Variants in CYB5R3 observed in about 807,000 individuals in gnomAD.
The protein encoded by CYB5R3 is cytochrome b5 reductase 3, also known as NADH-cytochrome b5 reductase 3.
Under a neutral mutation model 36.5 loss-of-function variants are expected in CYB5R3, and 28 were observed. That is an observed-to-expected ratio of 0.77 (90% confidence interval 0.57 to 1.05). The LOEUF is 1.05. CYB5R3 is among the 50% of genes least tolerant of loss of function. CYB5R3 has a pLI of 0.00. For missense variants in CYB5R3, 474 were observed against 408.9 expected (o/e 1.16, Z -1.37); for synonymous variants, 181 against 159.8 (o/e 1.13, Z -1.00).
intron 2 of CYB5R3, among the ~76,000 whole-genome samples, chr22:42,635,269 C>T (rs573996046): frequency 6.6e-6 from 1 of 151,364 alleles, no homozygotes; most frequent in Non-Finnish European, 1.5e-5. Flanking sequence ...CACGCCCGGC[C>T]AATTTTTTGT....
At chr22:42,638,447 G>A (rs1250345706) in intron 1 of CYB5R3, among the ~76,000 whole-genome samples, 1 of 140,752 alleles carries the variant, frequency 7.1e-6, no homozygotes, top group African/African-American at 2.6e-5. Context: ...TCACACGCCC[G>A]TGGTCCCAGC....
chr22:42,639,341 G>GGCA (rs1298837194), intron 1 of CYB5R3, among the ~76,000 whole-genome samples: 1 of 108,648 alleles, frequency 9.2e-6, no homozygotes, highest in Non-Finnish European at 2.2e-5. Context: ...AAAAAAGTGG[G>GGCA]GGGGGACCGG....
At position 42,630,513 on chromosome 22, in the gene CYB5R3, G is replaced by A. The variant is rs533591758; in HGVS notation, c.333+369C>T. On this transcript the variant is annotated intron_variant, in intron 4 of 8. Coordinates refer to ENST00000352397, the MANE Select transcript of CYB5R3 (RefSeq NM_000398.7). ...AGCAGGGGCGTCTGTACCGCCAGCC[G>A]GCCTTCCTGGAGCCTCTGCTGCAGG... is the stretch of plus-strand genomic sequence containing the variant. Among the ~76,000 whole-genome samples the A allele has an allele frequency of 1.6e-4, 25 of 152,322 alleles. 1 individual carries two copies. In the South Asian group the frequency reaches 4.3e-3, roughly 27 times the overall value.
chr22:42,630,392 C>T (rs1397666347), intron 4 of CYB5R3, among the ~76,000 whole-genome samples: 1 of 152,176 alleles, frequency 6.6e-6, no homozygotes, highest in African/African-American at 2.4e-5. Context: ...CCGCTGACCA[C>T]GGTGGAGTGG....
chr22:42,627,914 C>T (rs1319491172), intron 5 of CYB5R3, among the ~76,000 whole-genome samples: 1 of 152,086 alleles, frequency 6.6e-6, no homozygotes, highest in Non-Finnish European at 1.5e-5. Flanking sequence ...CTGAGAAAGC[C>T]AAATAGAGGC....
At position 42,618,520 on chromosome 22, in the gene CYB5R3, G is replaced by A. The variant is rs1199749599; in HGVS notation, c.*1253C>T. On this transcript the variant is annotated 3_prime_UTR_variant, in exon 9 of 9. Transcript: ENST00000352397. The stretch of plus-strand genomic sequence containing the variant: ...CCACTGCACTCCAGCCTGGGCGACA[G>A]AGCGAGACTCCGTCTCAAAAAAAAA... 2.3e-5 allele frequency: 3 copies of A among 129,610 alleles called. No homozygotes were observed. Among genetic ancestry groups the A allele is most frequent in the Non-Finnish European group, 3.1e-5 (2 of 63,796 alleles). The allele number at this position is 129,610 out of a possible 1,614,324, so 8.0% of individuals were successfully genotyped here.
chr22:42,638,013 C>T (rs1035309521), intron 1 of CYB5R3, among the ~76,000 whole-genome samples: 3 of 152,162 alleles, frequency 2.0e-5, no homozygotes, highest in African/African-American at 4.8e-5. Context: ...CTCTGAGAGG[C>T]GGAGGCAGGT....
chr22:42,622,398 C>G (rs922211058), intron 8 of CYB5R3, among the ~76,000 whole-genome samples: 1 of 152,166 alleles, frequency 6.6e-6, no homozygotes, highest in Non-Finnish European at 1.5e-5. Flanking sequence ...CTGCCTCCCC[C>G]ACTGGAAGGT....
chr22:42,636,257 G>A (rs1928886151), intron 2 of CYB5R3, among the ~76,000 whole-genome samples: 1 of 152,050 alleles, frequency 6.6e-6, no homozygotes, highest in African/African-American at 2.4e-5. Flanking sequence ...AAGAAAGTAA[G>A]AATCAAACAG....
chr22:42,637,182 T>G (rs566181694), intron 1 of CYB5R3, among the ~76,000 whole-genome samples: 84 of 152,184 alleles, frequency 5.5e-4, no homozygotes, highest in African/African-American at 1.9e-3. Flanking sequence ...AAGCTCAGAG[T>G]AAAATTAATC....
chr22:42,631,867 C>T (rs920933251), intron 2 of CYB5R3: 1 of 220,850 alleles, frequency 4.5e-6, no homozygotes, highest in Admixed American at 5.0e-5. Flanking sequence ...GCTGCACGTG[C>T]CCAGGCCTGC....
intron 1 of CYB5R3, among the ~76,000 whole-genome samples, chr22:42,645,887 C>T (rs1465343314): frequency 6.6e-6 from 1 of 152,180 alleles, no homozygotes; most frequent in Non-Finnish European, 1.5e-5. Flanking sequence ...TGGCAGGTCC[C>T]ATGTGCAACG....
At position 42,619,299 on chromosome 22, in the gene CYB5R3, G is replaced by A. The variant is rs774155627; in HGVS notation, c.*474C>T. 9 of 176,846 alleles carry A rather than the reference G, an allele frequency of 5.1e-5. No homozygotes were observed. Among genetic ancestry groups the A allele is most frequent in the East Asian group, 1.5e-4 (1 of 6,826 alleles). 11.0% of individuals were successfully genotyped at this position (176,846 alleles called of 1,614,324 possible). The stretch of plus-strand genomic sequence containing the variant: ...TTCTGGTGTCAATGTCTCATGCAGC[G>A]TCAGGTGGTGAGGCCTGGGCCTGGC... On this transcript the variant is annotated 3_prime_UTR_variant, in exon 9 of 9. Coordinates refer to ENST00000352397, the MANE Select transcript of CYB5R3 (RefSeq NM_000398.7).
chr22:42,620,689 G>C (rs1036407386), intron 8 of CYB5R3, among the ~76,000 whole-genome samples: 1 of 152,150 alleles, frequency 6.6e-6, no homozygotes, highest in Non-Finnish European at 1.5e-5. Context: ...TACACTCCAC[G>C]CTGTGAAGGT....
intron 4 of CYB5R3, among the ~76,000 whole-genome samples, chr22:42,628,831 A>G (rs1316398076): frequency 6.6e-6 from 1 of 152,156 alleles, no homozygotes. Flanking sequence ...CACCCTGCCC[A>G]AGGAGTCTGA....
intron 4 of CYB5R3, among the ~76,000 whole-genome samples, chr22:42,630,206 G>A (rs9623647): frequency 0.013 from 2,039 of 152,148 alleles, 44 homozygotes; most frequent in African/African-American, 0.047. Context: ...TGCCCCTAAC[G>A]CCTGCATCTT....
intron 1 of CYB5R3, 51 bp from the exon 2 acceptor site, chr22:42,636,897 A>G: frequency 1.9e-6 from 3 of 1,597,754 alleles, no homozygotes; most frequent in Non-Finnish European, 2.6e-6. Context: ...CTTTCCCCAA[A>G]CACACCGGCT....
Position 42,630,952 on chromosome 22 carries a change from T to A in CYB5R3, c.263A>T (p.Asn88Ile). 6.2e-7 allele frequency: 1 copy of A among 1,613,896 alleles called. No homozygotes were observed. The highest frequency in any genetic ancestry group is 2.2e-5 in the East Asian group (1 of 44,856). ...GGGTGTATAGGGCCGGACGACCAGGTTTCCATCAATTCGAGCCGAGAGGTA... is the reference window on the plus strand; with the variant it reads ...GGGTGTATAGGGCCGGACGACCAGGATTCCATCAATTCGAGCCGAGAGGTA... The part of the protein sequence containing the change: ...HIYLSARIDG[N>I]LVVRPYTPIS... Residue 88 changes from asparagine to isoleucine, a missense_variant, in exon 4 of 9, where the codon AAC (asparagine) becomes ATC (isoleucine). Transcript: ENST00000352397.
chr22:42,621,964 G>A (rs1048341200), intron 8 of CYB5R3, among the ~76,000 whole-genome samples: 3 of 152,216 alleles, frequency 2.0e-5, no homozygotes, highest in South Asian at 2.1e-4. Flanking sequence ...TCGCTCTATC[G>A]CCAGGCTGGA....
Sources: gnomAD v4.1 joint callset for allele counts (sites outside exome capture counted in the v4.1 genomes callset) on GRCh38, gnomAD v4.1.1 for gene constraint, MANE v1.5 for transcripts, NCBI Gene and HGNC (gene_info 2026-07-23, HGNC 2026-07-21) for gene names.